The following CIB3 variants were observed in gnomAD, a reference collection of about 807,000 sequenced individuals.
CIB3 encodes calcium and integrin-binding family member 3.
CIB3 carries 22 observed loss-of-function variants against 23.4 expected under a neutral mutation model. The observed-to-expected ratio is 0.94, with a 90% CI of 0.67 to 1.34. The LOEUF (loss-of-function observed/expected upper bound fraction) is 1.34. Ranked by LOEUF, CIB3 falls within the 40% of genes most tolerant of loss-of-function variation. The pLI is 0.00. For missense variants in CIB3, 258 were observed against 247.3 expected, an observed-to-expected ratio of 1.04 and a Z score of -0.29; for synonymous variants, 93 against 95.8, an observed-to-expected ratio of 0.97 and a Z score of 0.17.
chr19:16,170,973 C>T (rs1297408483), intron 2 of CIB3, among the ~76,000 whole-genome samples: 1 of 151,948 alleles, frequency 6.6e-6, no homozygotes. Context: ...CCCGTCTCCA[C>T]TAAAAATATA....
chr19:16,166,548 G>A (rs1271518057), intron 4 of CIB3, among the ~76,000 whole-genome samples: 2 of 152,164 alleles, frequency 1.3e-5, no homozygotes, highest in African/African-American at 4.8e-5. Flanking sequence ...ACCAGGCACT[G>A]TAATAACTTT....
At chr19:16,171,724 T>C (rs2145086408) in intron 2 of CIB3, among the ~76,000 whole-genome samples, 1 of 152,318 alleles carries the variant, frequency 6.6e-6, no homozygotes, top group African/African-American at 2.4e-5. Context: ...CAGCCTGGGA[T>C]CAGCCCCGCC....
chr19:16,169,199 T>C (rs1440368241), intron 3 of CIB3, among the ~76,000 whole-genome samples: 2 of 152,032 alleles, frequency 1.3e-5, no homozygotes, highest in Non-Finnish European at 2.9e-5. Context: ...GCTGGAGTAC[T>C]GTGGCTAGAT....
rs1364270080 is a variant in CIB3 at position 16,164,701 on chromosome 19, G to A, written c.542+17C>T. On this transcript the variant is annotated intron_variant, in intron 5 of 5. Transcript: ENST00000269878. The stretch of plus-strand genomic sequence containing the variant: ...CAGATGTGCAAATGGACTGTGGGCG[G>A]TGACGGAGAGCATCACCTGAGGAAG... The A allele has an allele frequency of 6.2e-7, 1 of 1,610,356 alleles. No individual in the cohort carries two copies. The highest frequency in any genetic ancestry group is 1.7e-5 in the Admixed American group (1 of 59,914).
chr19:16,164,923 A>C lies in CIB3; in HGVS notation c.347-10T>G. The C allele has an allele frequency of 6.2e-7, 1 of 1,613,266 alleles. No homozygotes were observed. Among genetic ancestry groups the C allele is most frequent in the Non-Finnish European group, 8.5e-7 (1 of 1,179,290 alleles). On this transcript the variant is annotated splice_polypyrimidine_tract_variant and intron_variant, in intron 4 of 5. Transcript: ENST00000269878. ...TCGTCGTTGTTAAAATCTGCAGAGC[A>C]GGATGGATGGGGAGTGACAGCAGGT...
intron 5 of CIB3, among the ~76,000 whole-genome samples, chr19:16,162,655 G>A (rs1217944027): frequency 1.3e-5 from 2 of 151,578 alleles, no homozygotes; most frequent in Admixed American, 6.6e-5. Context: ...TCGGGAGGCT[G>A]AGGCAGGGAG....
At chr19:16,173,085 C>CACAA (rs1599438873) in intron 2 of CIB3, 77 bp downstream of exon 2, 1 of 1,437,616 alleles carries the variant, frequency 7.0e-7, no homozygotes. Flanking sequence ...CACACACACA[C>CACAA]CAAATTGCAA....
At chr19:16,165,778 T>C (rs1054073410) in intron 4 of CIB3, among the ~76,000 whole-genome samples, 3 of 152,214 alleles carry the variant, frequency 2.0e-5, no homozygotes, top group African/African-American at 7.2e-5. Context: ...GAGTGCCTGC[T>C]GTGTGCTAGG....
At chr19:16,170,834 AG>A (rs985626305) in intron 2 of CIB3, among the ~76,000 whole-genome samples, 6 of 149,458 alleles carry the variant, frequency 4.0e-5, no homozygotes, top group Admixed American at 6.7e-5. Context: ...AAAAAAAAAA[AG>A]AAAAGAAAAA....
At chr19:16,171,200 A>C (rs1453508756) in intron 2 of CIB3, among the ~76,000 whole-genome samples, 1 of 152,094 alleles carries the variant, frequency 6.6e-6, no homozygotes, top group Non-Finnish European at 1.5e-5. Context: ...AGAAAGAAAA[A>C]AAAGGAGGGA....
chr19:16,167,971 G>C (rs1345325709), intron 4 of CIB3, among the ~76,000 whole-genome samples, 166 bp downstream of exon 4: 1 of 152,160 alleles, frequency 6.6e-6, no homozygotes, highest in Non-Finnish European at 1.5e-5. Flanking sequence ...GGCTGGAATA[G>C]AGTTAGCAAA....
At chr19:16,170,480 C>T (rs113332268) in intron 2 of CIB3, among the ~76,000 whole-genome samples, 7 of 152,286 alleles carry the variant, frequency 4.6e-5, no homozygotes, top group Non-Finnish European at 7.3e-5. Flanking sequence ...CAAGACCCTG[C>T]CTCCAAAGAT....
intron 5 of CIB3, among the ~76,000 whole-genome samples, chr19:16,163,425 C>T (rs891887073): frequency 1.3e-5 from 2 of 151,888 alleles, no homozygotes; most frequent in African/African-American, 4.8e-5. Flanking sequence ...CATGGTGGCA[C>T]GTGCCTGTAA....
Position 16,169,659 on chromosome 19 carries a change from CG to C in CIB3, c.168del (p.Tyr56Ter). On this transcript the variant is annotated frameshift_variant, in exon 3 of 6. Transcript: ENST00000269878. LOFTEE classifies it high-confidence loss of function. ...AGCTCGGGCATGCTGCCAATGAGCTCGTAGGGCACCTTCACATCGGGGCAGG... is the reference window on the plus strand; with the variant it reads ...AGCTCGGGCATGCTGCCAATGAGCTCTAGGGCACCTTCACATCGGGGCAGG... Reference protein sequence around the residue: ...YTTCPDVKVPYELIGSMPELK... With the variant: ...YTTCPDVKVPXELIGSMPELK... 1 of 1,613,694 alleles carries C rather than the reference CG, an allele frequency of 6.2e-7. No homozygotes were observed. The highest frequency in any genetic ancestry group is 8.5e-7 in the Non-Finnish European group (1 of 1,179,732).
chr19:16,168,406 T>A (rs2145082882), intron 3 of CIB3, 122 bp from the exon 4 acceptor site: 1 of 1,344,004 alleles, frequency 7.4e-7, no homozygotes, highest in East Asian at 2.5e-5. Context: ...CAAGACCCAC[T>A]CCCTCCCATG....
rs1022768849 is a variant in CIB3, at chr19:16,173,189, G to A, written c.59C>T (p.Thr20Ile). 6.2e-7 allele frequency: 1 copy of A among 1,613,724 alleles called. No individual in the cohort carries two copies. Among genetic ancestry groups the A allele is most frequent in the African/African-American group, 1.3e-5 (1 of 74,794 alleles). Residue 20 changes from threonine (T) to isoleucine (I), a missense_variant, in exon 2 of 6, where the codon ACA (threonine) becomes ATA (isoleucine). By Grantham distance (89) the Thr-to-Ile change is moderately conservative (BLOSUM62 -1). Transcript: ENST00000269878. ...CATGATCTCCTTCCTTGTGAAAAAT[G>A]TGCAGTCCTGTGGAGAGAGGTGTTG... ...HEQLEAYQDC[T>I]FFTRKEIMRL...
Position 16,161,371 on chromosome 19 carries a change from G to T in CIB3, c.*94C>A. On this transcript the variant is annotated 3_prime_UTR_variant, in exon 6 of 6. Transcript: ENST00000269878. ...AAAAATGTGTCCTCCCAGCAGGTGT[G>T]ACTCAGTGACTTGTGTTTATTCTCA... 1.6e-6 allele frequency: 2 copies of T among 1,266,530 alleles called. No homozygotes were observed. Among genetic ancestry groups the T allele is most frequent in the South Asian group, 1.2e-5 (1 of 83,818 alleles). 78.5% of individuals were successfully genotyped at this position (1,266,530 alleles called of 1,614,324 possible). A position where few individuals can be genotyped will look rare whatever the true frequency, so the allele number is the denominator to read the frequency against.
Position 16,164,854 on chromosome 19 carries a change from T to C in CIB3, c.406A>G (p.Thr136Ala), listed in dbSNP as rs1396628976. 2 of 1,613,856 alleles carry C rather than the reference T, an allele frequency of 1.2e-6. No individual in the cohort carries two copies. The highest frequency in any genetic ancestry group is 2.7e-5 in the African/African-American group (2 of 74,872). ...TCCTCGGCACTCAGCCCCCCCCGCG[T>C]CAGTTTGGTCACCGTCTGCTCCAGG... ...WDLEQTVTKLTRGGLSAEEVS... is the reference protein window; with the variant it reads ...WDLEQTVTKLARGGLSAEEVS... The change falls in exon 5 of 6, where the codon ACG (threonine) becomes GCG (alanine). Residue 136 changes from threonine to alanine, a missense_variant. By Grantham distance (58) the Thr-to-Ala change is moderately conservative (BLOSUM62 0). Transcript: ENST00000269878.
chr19:16,171,216 C>T (rs1259756940), intron 2 of CIB3, among the ~76,000 whole-genome samples: 2 of 151,844 alleles, frequency 1.3e-5, no homozygotes, highest in Admixed American at 6.6e-5. Flanking sequence ...AGGGATTCCT[C>T]AATGGGGCAG....
Sources: allele counts gnomAD v4.1 joint callset (sites outside exome capture counted in the v4.1 genomes callset), GRCh38; gene constraint gnomAD v4.1.1; transcripts MANE v1.5; gene names NCBI Gene and HGNC (gene_info 2026-07-23, HGNC 2026-07-21).